The following AGBL4 variants were observed in gnomAD, a reference collection of about 807,000 sequenced individuals.
AGBL4 encodes the protein AGBL carboxypeptidase 4, also known as cytosolic carboxypeptidase 6.
Under a neutral mutation model 66.4 loss-of-function variants are expected in AGBL4, and 58 were observed. The observed-to-expected ratio is 0.87, with a 90% CI of 0.71 to 1.09. The LOEUF is 1.09. Ranked by LOEUF, AGBL4 falls within the 50% of genes least tolerant of loss-of-function variation. The probability of loss-of-function intolerance (pLI) is 0.00; values close to 1 mark genes in which losing one functional copy is unlikely to be tolerated. For synonymous variants in AGBL4, 234 were observed against 222.9 expected (o/e 1.05, Z -0.44); for missense variants, 579 against 631.0 (o/e 0.92, Z 0.88).
chr1:48,556,929 A>G (rs984124430), intron 11 of AGBL4, among the ~76,000 whole-genome samples: 3 of 152,046 alleles, frequency 2.0e-5, no homozygotes, highest in Non-Finnish European at 2.9e-5. Context: ...AGCCAGGACT[A>G]CAGGGGCATG....
At chr1:49,691,587 A>G (rs1284494909) in intron 3 of AGBL4, 1 of 152,234 alleles carries the variant, frequency 6.6e-6, no homozygotes, top group Non-Finnish European at 1.5e-5. Flanking sequence ...TGTCTACCAA[A>G]CACTATGGTA....
At chr1:49,107,624 A>G (rs1569580713) in intron 4 of AGBL4, among the ~76,000 whole-genome samples, 1 of 148,830 alleles carries the variant, frequency 6.7e-6, no homozygotes, top group Admixed American at 6.7e-5. Context: ...CATATAGTGG[A>G]TTAATTGTCT....
At chr1:49,221,875 A>G (rs1456070785) in intron 4 of AGBL4, among the ~76,000 whole-genome samples, 1 of 152,190 alleles carries the variant, frequency 6.6e-6, no homozygotes, top group Non-Finnish European at 1.5e-5. Flanking sequence ...AAAAGTGTTT[A>G]ACCCAATGAC....
chr1:48,716,228 A>G lies in AGBL4; in HGVS notation c.635-52987T>C, dbSNP rs74634641. On this transcript the variant is annotated intron_variant, in intron 6 of 13. Coordinates refer to ENST00000371839, the MANE Select transcript of AGBL4 (RefSeq NM_032785.4). ...CACTGACTGGATTACGAGGAGGGAAACGCATCATGTTGCCACACATGGTTT... is the reference window on the plus strand; with the variant it reads ...CACTGACTGGATTACGAGGAGGGAAGCGCATCATGTTGCCACACATGGTTT... 3.7e-3 allele frequency among the ~76,000 whole-genome samples: 562 copies of G among 152,248 alleles called. 7 individuals are homozygous for G. Among genetic ancestry groups the G allele is most frequent in the East Asian group, 0.019 (99 of 5,186 alleles).
At chr1:48,877,828 G>C (rs961633647) in intron 5 of AGBL4, among the ~76,000 whole-genome samples, 2 of 152,050 alleles carry the variant, frequency 1.3e-5, no homozygotes, top group South Asian at 2.1e-4. Context: ...GGAGAGCAAT[G>C]GTGCCAGAAT....
chr1:49,659,527 C>T (rs1450999628), intron 3 of AGBL4, among the ~76,000 whole-genome samples: 1 of 152,000 alleles, frequency 6.6e-6, no homozygotes, highest in African/African-American at 2.4e-5. Context: ...GACTTTAAAC[C>T]AACAAACATC....
At chr1:49,888,396 A>C (rs956726635) in intron 1 of AGBL4, among the ~76,000 whole-genome samples, 1 of 152,174 alleles carries the variant, frequency 6.6e-6, no homozygotes, top group Non-Finnish European at 1.5e-5. Flanking sequence ...TAAGAAATAC[A>C]CTAACTACAG....
rs542440688 is a variant in AGBL4, at chr1:49,528,192, G to A, written c.282+169121C>T. Among the ~76,000 whole-genome samples, 3 of 152,142 alleles carry A rather than the reference G, an allele frequency of 2.0e-5. No individual in the cohort carries two copies. In the South Asian group the frequency reaches 6.2e-4, roughly 32 times the overall value. On this transcript the variant is annotated intron_variant, in intron 3 of 13. Transcript: ENST00000371839. ...CACATTCTGTCTTGGGCAAGGAGAT[G>A]TAGAAAAAGCATGTCAGGAAGGAAA... is the stretch of plus-strand genomic sequence containing the variant.
intron 6 of AGBL4, among the ~76,000 whole-genome samples, chr1:48,836,521 G>A (rs75093933): frequency 0.037 from 5,550 of 151,956 alleles, 330 homozygotes; most frequent in African/African-American, 0.12. Context: ...TTGAATCAGG[G>A]CTATGAAGCA....
chr1:49,460,065 C>T lies in AGBL4; in HGVS notation c.283-214201G>A, dbSNP rs370804921. Among the ~76,000 whole-genome samples, 13 of 151,676 alleles carry T rather than the reference C, an allele frequency of 8.6e-5. No homozygotes were observed. In the East Asian group the frequency reaches 2.0e-3, roughly 23 times the overall value. On this transcript the variant is annotated intron_variant, in intron 3 of 13. Coordinates refer to ENST00000371839, the MANE Select transcript of AGBL4 (RefSeq NM_032785.4). ...TCCATCTTGGAGTATGTTTCATGTG[C>T]TGATTAATAGAATGTGTATTCTGCA...
At chr1:48,907,869 G>C (rs1646588591) in intron 5 of AGBL4, among the ~76,000 whole-genome samples, 1 of 152,136 alleles carries the variant, frequency 6.6e-6, no homozygotes. Context: ...GGTAGAAACA[G>C]TGCCATATCT....
Position 49,337,008 on chromosome 1 carries a change from C to T in AGBL4, c.283-91144G>A, listed in dbSNP as rs116196005. On this transcript the variant is annotated intron_variant, in intron 3 of 13. Coordinates refer to ENST00000371839, the MANE Select transcript of AGBL4 (RefSeq NM_032785.4). ...CTTGAGATTAAAAATACACTTGAAA[C>T]CAGGATTAATATCTATCCCATTAGC... Among the ~76,000 whole-genome samples the T allele has an allele frequency of 1.6e-3, 237 of 152,166 alleles. 1 individual carries two copies. The highest frequency in any genetic ancestry group is 4.8e-3 in the African/African-American group (201 of 41,538).
At chr1:49,575,279 G>T (rs1644414048) in intron 3 of AGBL4, among the ~76,000 whole-genome samples, 1 of 152,066 alleles carries the variant, frequency 6.6e-6, no homozygotes. Context: ...ACTTACAGTG[G>T]GTCCAGTGGG....
intron 6 of AGBL4, among the ~76,000 whole-genome samples, chr1:48,708,595 C>T (rs1244567394): frequency 2.0e-5 from 3 of 152,186 alleles, no homozygotes; most frequent in East Asian, 1.9e-4. Flanking sequence ...ATGGCACCTA[C>T]TGAAATCTTC....
At chr1:49,891,059 C>A (rs558814658) in intron 1 of AGBL4, among the ~76,000 whole-genome samples, 1 of 152,224 alleles carries the variant, frequency 6.6e-6, no homozygotes, top group East Asian at 1.9e-4. Flanking sequence ...GAAGAAATGA[C>A]ATTTTATTTG....
intron 2 of AGBL4, chr1:49,846,516 CAG>C (rs1417306435): frequency 2.8e-6 from 2 of 711,916 alleles, no homozygotes; most frequent in Non-Finnish European, 4.4e-6. Context: ...AGGGTGGAAA[CAG>C]ACTAATACAA....
chr1:49,589,130 A>C (rs1644706732), intron 3 of AGBL4, among the ~76,000 whole-genome samples: 1 of 152,166 alleles, frequency 6.6e-6, no homozygotes, highest in South Asian at 2.1e-4. Context: ...ACCTCAAAAC[A>C]GAGAAGTTCA....
At chr1:49,295,451 T>C (rs752042296) in intron 3 of AGBL4, among the ~76,000 whole-genome samples, 6 of 152,128 alleles carry the variant, frequency 3.9e-5, no homozygotes, top group Admixed American at 6.6e-5. Flanking sequence ...CAGGTAAAGT[T>C]TGGGGATTTG....
chr1:49,402,716 C>T (rs371480210), intron 3 of AGBL4, among the ~76,000 whole-genome samples: 49 of 152,066 alleles, frequency 3.2e-4, no homozygotes, highest in African/African-American at 9.9e-4. Flanking sequence ...TACAGACATG[C>T]GCCACCACAT....
Sources: allele counts gnomAD v4.1 joint callset (sites outside exome capture counted in the v4.1 genomes callset), GRCh38; gene constraint gnomAD v4.1.1; transcripts MANE v1.5; gene names NCBI Gene and HGNC (gene_info 2026-07-23, HGNC 2026-07-21).